The following SIGLEC6 variants were observed in gnomAD, a reference collection of about 807,000 sequenced individuals.
The protein encoded by SIGLEC6 is sialic acid-binding Ig-like lectin 6.
Under a neutral mutation model 41.4 loss-of-function variants are expected in SIGLEC6, and 31 were observed. The ratio of observed to expected loss-of-function variants is 0.75; its 90% CI spans 0.56 to 1.01. SIGLEC6 has a LOEUF of 1.01. SIGLEC6 is among the 50% of genes least tolerant of loss of function. The pLI, the probability that SIGLEC6 is intolerant of heterozygous loss-of-function variation, is 0.00. For missense variants in SIGLEC6, 555 were observed against 558.6 expected (o/e 0.99, Z 0.06); for synonymous variants, 217 against 231.0 (o/e 0.94, Z 0.55).
At position 51,517,988 on chromosome 19, in the gene SIGLEC6, TACA is replaced by T. The variant is rs1177432327; in HGVS notation, c.*2091_*2093del. On this transcript the variant is annotated 3_prime_UTR_variant, in exon 8 of 8. Coordinates refer to ENST00000425629, the MANE Select transcript of SIGLEC6 (RefSeq NM_001245.7). ...TGACCCCTCTACAAACCATCATTTT[TACA>T]ACAAGTATTTGTTTCATTTTGCTCA... Among the ~76,000 whole-genome samples the T allele has an allele frequency of 6.6e-6, 1 of 152,188 alleles. No individual in the cohort carries two copies. Among genetic ancestry groups the T allele is most frequent in the East Asian group, 1.9e-4 (1 of 5,206 alleles).
chr19:51,528,039 T>G, intron 6 of SIGLEC6, 121 bp downstream of exon 6: 2 of 979,530 alleles, frequency 2.0e-6, no homozygotes, highest in Non-Finnish European at 3.2e-6. Flanking sequence ...TACCCTCCCT[T>G]TCCTCACTCT....
In SIGLEC6 at chr19:51,529,904, C is replaced by G. The variant is rs35931837; in HGVS notation, c.832G>C (p.Gly278Arg). ...CAGCTCAGGTGTGCAGGGGGGTTGC[C>G]GTCAGCATCACAGAGCAGCCGCAGA... ...QALRLLCDAD[G>R]NPPAHLSWFQ... The change falls in exon 5 of 8, where the codon GGC becomes CGC. Residue 278 changes from glycine (G) to arginine (R), a missense_variant. Physicochemically the swap from Gly to Arg is moderately radical, Grantham distance 125. Transcript: ENST00000425629. The G allele has an allele frequency of 5.0e-6, 8 of 1,613,760 alleles. No homozygotes were observed. The highest frequency in any genetic ancestry group is 5.9e-6 in the Non-Finnish European group (7 of 1,179,814).
chr19:51,530,647 C>A (rs1334798756), intron 3 of SIGLEC6, 34 bp downstream of exon 3: 1 of 1,611,954 alleles, frequency 6.2e-7, no homozygotes, highest in South Asian at 1.1e-5. Flanking sequence ...CCCCCACACC[C>A]TCAGGGACCC....
intron 7 of SIGLEC6, among the ~76,000 whole-genome samples, chr19:51,521,191 A>C (rs1990909164): frequency 6.6e-6 from 1 of 152,226 alleles, no homozygotes; most frequent in Non-Finnish European, 1.5e-5. Flanking sequence ...GAAAACTTGA[A>C]AGTAAAGCAT....
In SIGLEC6 at chr19:51,531,328, C is replaced by A; in HGVS notation, c.259G>T (p.Glu87Ter). 1 of 1,614,200 alleles carries A rather than the reference C, an allele frequency of 6.2e-7. No individual in the cohort carries two copies. The highest frequency in any genetic ancestry group is 8.5e-7 in the Non-Finnish European group (1 of 1,180,024). ...ATNDPDEEVQEETRGRFHLLW... is the reference protein window; with the variant it reads ...ATNDPDEEVQ ...AGGTGGAATCGGCCCCGGGTCTCCT[C>A]CTGCACTTCTTCGTCTGGGTCGTTT... is the stretch of plus-strand genomic sequence containing the variant. Residue 87 changes from glutamate (E) to a stop codon, truncating the protein, a stop_gained, in exon 2 of 8, where the codon GAG becomes TAG. Coordinates refer to ENST00000425629, the MANE Select transcript of SIGLEC6 (RefSeq NM_001245.7). LOFTEE classifies it high-confidence loss of function.
Position 51,528,150 on chromosome 19 carries a change from C to T in SIGLEC6, c.1106+10G>A. The stretch of plus-strand genomic sequence containing the variant: ...AAGTCTTTCTGTGCCTCCCTGGAGC[C>T]CACTCTCACCTGAAGATGAAGCAAA... On this transcript the variant is annotated intron_variant, in intron 6 of 7. Coordinates refer to ENST00000425629, the MANE Select transcript of SIGLEC6 (RefSeq NM_001245.7). 6.2e-7 allele frequency: 1 copy of T among 1,612,280 alleles called. No homozygotes were observed. The highest frequency in any genetic ancestry group is 8.5e-7 in the Non-Finnish European group (1 of 1,178,352).
chr19:51,530,418 A>G lies in SIGLEC6; in HGVS notation c.754+19T>C. On this transcript the variant is annotated intron_variant, in intron 4 of 7. Coordinates refer to ENST00000425629, the MANE Select transcript of SIGLEC6 (RefSeq NM_001245.7). Reference sequence around the variant, plus strand: ...GCTTCCATCTGGCCCTGGAGAGAACAGGACTGGCTGGTTCCTACCTGCGCT... The same window carrying G: ...GCTTCCATCTGGCCCTGGAGAGAACGGGACTGGCTGGTTCCTACCTGCGCT... 1 of 1,611,856 alleles carries G rather than the reference A, an allele frequency of 6.2e-7. No homozygotes were observed. The highest frequency in any genetic ancestry group is 8.5e-7 in the Non-Finnish European group (1 of 1,178,078).
At position 51,519,224 on chromosome 19, in the gene SIGLEC6, G is replaced by A. The variant is rs1990722108; in HGVS notation, c.*858C>T. 6.7e-6 allele frequency among the ~76,000 whole-genome samples: 1 copy of A among 148,236 alleles called. No individual in the cohort carries two copies. Among genetic ancestry groups the A allele is most frequent in the Non-Finnish European group, 1.5e-5 (1 of 67,582 alleles). On this transcript the variant is annotated 3_prime_UTR_variant, in exon 8 of 8. Coordinates refer to ENST00000425629, the MANE Select transcript of SIGLEC6 (RefSeq NM_001245.7). Reference sequence around the variant, plus strand: ...GCAGGAGAATGGTGTGAACCCAGGGGGCGAAGCTTGCACTGAGCCAAGATC... The same window carrying A: ...GCAGGAGAATGGTGTGAACCCAGGGAGCGAAGCTTGCACTGAGCCAAGATC...
At chr19:51,523,701 T>C (rs1486949769) in intron 7 of SIGLEC6, among the ~76,000 whole-genome samples, 1 of 152,146 alleles carries the variant, frequency 6.6e-6, no homozygotes, top group Non-Finnish European at 1.5e-5. Flanking sequence ...AACCTTCCGT[T>C]AGGACTCAAG....
intron 5 of SIGLEC6, chr19:51,528,548 C>A: frequency 2.3e-6 from 1 of 443,822 alleles, no homozygotes. Context: ...CCCCACAATT[C>A]CTATTTTGAA....
chr19:51,523,381 G>A (rs1284166839), intron 7 of SIGLEC6, among the ~76,000 whole-genome samples: 1 of 152,168 alleles, frequency 6.6e-6, no homozygotes, highest in Non-Finnish European at 1.5e-5. Context: ...TGGGATCCCA[G>A]AAAGGGGAAG....
chr19:51,525,975 A>C (rs553209896), intron 7 of SIGLEC6, among the ~76,000 whole-genome samples: 34 of 146,724 alleles, frequency 2.3e-4, no homozygotes, highest in South Asian at 1.7e-3. Context: ...GCTGCACTAC[A>C]GAGAGGAGCC....
chr19:51,525,249 G>A (rs748672065), intron 7 of SIGLEC6, among the ~76,000 whole-genome samples: 44 of 152,262 alleles, frequency 2.9e-4, no homozygotes, highest in Non-Finnish European at 5.3e-4. Flanking sequence ...CCCTGCCTGA[G>A]CACTTGGGCC....
chr19:51,529,740 C>CA lies in SIGLEC6; in HGVS notation c.995dup (p.Ser333GlufsTer23). The CA allele has an allele frequency of 6.2e-7, 1 of 1,614,140 alleles. No individual in the cohort carries two copies. The highest frequency in any genetic ancestry group is 8.5e-7 in the Non-Finnish European group (1 of 1,180,010). On this transcript the variant is annotated frameshift_variant, in exon 5 of 8. Transcript: ENST00000425629. LOFTEE classifies it high-confidence loss of function. ...CACACTCACAATGCACAAAGAGACT[C>CA]AGAGAGATTTGCAGGGAGCCCAGAG...
intron 7 of SIGLEC6, among the ~76,000 whole-genome samples, chr19:51,523,821 C>A (rs967687379): frequency 1.3e-5 from 2 of 152,170 alleles, no homozygotes; most frequent in Non-Finnish European, 2.9e-5. Context: ...GAGATGGAGA[C>A]CATCCTGGCT....
intron 5 of SIGLEC6, among the ~76,000 whole-genome samples, chr19:51,529,236 G>A (rs1258563841): frequency 6.6e-6 from 1 of 152,154 alleles, no homozygotes; most frequent in Non-Finnish European, 1.5e-5. Context: ...CTTGAGAACC[G>A]TGAGACAATA....
In SIGLEC6 at chr19:51,530,479, G is replaced by T; in HGVS notation, c.712C>A (p.Pro238Thr). 1 of 1,614,138 alleles carries T rather than the reference G, an allele frequency of 6.2e-7. No individual in the cohort carries two copies. Among genetic ancestry groups the T allele is most frequent in the Non-Finnish European group, 8.5e-7 (1 of 1,179,988 alleles). The change falls in exon 4 of 8, where the codon CCA becomes ACA. Residue 238 changes from proline to threonine, a missense_variant. Pro to Thr is a conservative substitution (Grantham distance 38). Transcript: ENST00000425629. Reference sequence around the variant, plus strand: ...AAGATGCTGATGGCCACTTTCTGTGGAGCATCTGGGGTGGAAAGAGGTGGC... The same window carrying T: ...AAGATGCTGATGGCCACTTTCTGTGTAGCATCTGGGGTGGAAAGAGGTGGC... ...RTIQLNVSYA[P>T]QKVAISIFQG... is the part of the protein sequence containing the mutation.
Position 51,520,144 on chromosome 19 carries a change from C to T in SIGLEC6, c.1300G>A (p.Val434Met). The T allele has an allele frequency of 6.2e-7, 1 of 1,604,350 alleles. No individual in the cohort carries two copies. The highest frequency in any genetic ancestry group is 8.5e-7 in the Non-Finnish European group (1 of 1,172,564). Residue 434 changes from valine to methionine, a missense_variant, in exon 8 of 8, where the codon GTG becomes ATG. Val to Met is a conservative substitution (Grantham distance 21, BLOSUM62 1). Transcript: ENST00000425629. ...GTGACCTTTGGTTCCTGAGGTTGCA[C>T]CTTGTGGAAGTGTAGGACAGCGTAG... ...LHYAVLHFHKVQPQEPKVTDT... is the reference protein window; with the variant it reads ...LHYAVLHFHKMQPQEPKVTDT...
chr19:51,521,654 A>G (rs1010907539), intron 7 of SIGLEC6, among the ~76,000 whole-genome samples: 6 of 152,070 alleles, frequency 3.9e-5, no homozygotes, highest in Non-Finnish European at 8.8e-5. Flanking sequence ...CCATCCACAC[A>G]TCCCAGACTT....
Sources: gnomAD v4.1 joint callset for allele counts (sites outside exome capture counted in the v4.1 genomes callset) on GRCh38, gnomAD v4.1.1 for gene constraint, MANE v1.5 for transcripts, NCBI Gene and HGNC (gene_info 2026-07-23, HGNC 2026-07-21) for gene names.